Variants in STX5 observed in about 807,000 individuals in gnomAD.
The protein encoded by STX5 is syntaxin-5.
In STX5, 15 loss-of-function variants were observed where a neutral mutation model predicts 42.9. That is an observed-to-expected ratio of 0.35 (90% CI 0.23 to 0.54). The LOEUF is 0.54. STX5 is among the 20% of genes least tolerant of loss of function. The pLI is 0.91. For synonymous variants in STX5, 184 were observed against 173.2 expected, an observed-to-expected ratio of 1.06 and a Z score of -0.49; for missense variants, 430 against 455.0, an observed-to-expected ratio of 0.95 and a Z score of 0.50.
chr11:62,815,576 G>A (rs953103088), intron 10 of STX5, among the ~76,000 whole-genome samples: 35 of 149,090 alleles, frequency 2.3e-4, no homozygotes, highest in African/African-American at 6.4e-4. Context: ...TCGCTCTGTC[G>A]CCCAGGCTGG....
intron 10 of STX5, among the ~76,000 whole-genome samples, chr11:62,816,909 A>C (rs2084680234): frequency 6.6e-6 from 1 of 151,752 alleles, no homozygotes; most frequent in African/African-American, 2.4e-5. Flanking sequence ...AAAGAAAGAA[A>C]GAGCTGTCTA....
chr11:62,829,212 G>A (rs1348961949), intron 2 of STX5, among the ~76,000 whole-genome samples: 1 of 151,902 alleles, frequency 6.6e-6, no homozygotes, highest in Non-Finnish European at 1.5e-5. Context: ...AGCACCTGAG[G>A]TCGGGAGTTT....
In STX5 at chr11:62,824,228, C is replaced by A; in HGVS notation, c.846G>T (p.Glu282Asp). 2 of 1,614,224 alleles carry A rather than the reference C, an allele frequency of 1.2e-6. No homozygotes were observed. Among genetic ancestry groups the A allele is most frequent in the Non-Finnish European group, 1.7e-6 (2 of 1,180,048 alleles). ...CCAACTGCTGAAAGATGGAGCCCAA[C>A]TCAACAATTGTCGACTCAATGTTCT... Reference protein sequence around the residue: ...TMQNIESTIVELGSIFQQLAH... With the variant: ...TMQNIESTIVDLGSIFQQLAH... The change falls in exon 10 of 11, where the codon GAG becomes GAT. Residue 282 changes from glutamate (E) to aspartate (D), a missense_variant. Transcript: ENST00000294179.
At chr11:62,818,565 GAAA>G (rs1307603732) in intron 10 of STX5, among the ~76,000 whole-genome samples, 1 of 92,752 alleles carries the variant, frequency 1.1e-5, no homozygotes, top group African/African-American at 4.2e-5. Flanking sequence ...CTCTGTCTCA[GAAA>G]AAAAAAAAAA....
At chr11:62,830,868 T>G (rs1426919407) in intron 2 of STX5, 151 bp downstream of exon 2, 2 of 774,468 alleles carry the variant, frequency 2.6e-6, no homozygotes, top group Non-Finnish European at 2.2e-6. Flanking sequence ...ACCTCTTCTC[T>G]GTTGCTTATA....
At chr11:62,811,296 T>C (rs532608910) in intron 10 of STX5, among the ~76,000 whole-genome samples, 1 of 152,338 alleles carries the variant, frequency 6.6e-6, no homozygotes, top group East Asian at 1.9e-4. Context: ...AACTCTGTCA[T>C]TTAGCTGTCC....
Position 62,827,606 on chromosome 11 carries a change from G to C in STX5, c.251C>G (p.Ala84Gly), listed in dbSNP as rs750248154. 6.2e-7 allele frequency: 1 copy of C among 1,614,216 alleles called. No homozygotes were observed. The highest frequency in any genetic ancestry group is 8.5e-7 in the Non-Finnish European group (1 of 1,180,046). Residue 84 changes from alanine (A) to glycine (G), a missense_variant, in exon 3 of 11, where the codon GCT (alanine) becomes GGT (glycine). Transcript: ENST00000294179. ...ACTGCGTTGTCGGACAGCACGCAAA[G>C]CTGGCTTATTTGTCTGGATTCCATT... ...RQNGIQTNKP[A>G]LRAVRQRSEF...
intron 10 of STX5, among the ~76,000 whole-genome samples, chr11:62,818,698 A>G (rs1185618336): frequency 6.6e-6 from 1 of 151,432 alleles, no homozygotes; most frequent in Admixed American, 6.6e-5. Flanking sequence ...CCAAAAAAAA[A>G]AAAAAAGAAA....
intron 10 of STX5, among the ~76,000 whole-genome samples, chr11:62,809,491 G>A (rs189049015): frequency 6.7e-5 from 10 of 150,026 alleles, no homozygotes; most frequent in South Asian, 2.1e-4. Context: ...TGGCTAACAC[G>A]GTGAAACCCC....
rs554183113 is a variant in STX5 at position 62,814,628 on chromosome 11, A to G, written c.909-7000T>C. The stretch of plus-strand genomic sequence containing the variant: ...AGGCAGGTGCCACCACGCTCAGCTA[A>G]TTTTTTTTTTTTTTTTGAGATGGAG... On this transcript the variant is annotated intron_variant, in intron 10 of 10. Coordinates refer to ENST00000294179, the MANE Select transcript of STX5 (RefSeq NM_003164.5). 6.0e-4 allele frequency among the ~76,000 whole-genome samples: 82 copies of G among 136,572 alleles called. 1 individual carries two copies. In the South Asian group the frequency reaches 0.019, roughly 32 times the overall value. The allele number at this position is 136,572 out of a possible 152,430, so 89.6% of individuals were successfully genotyped here. A position where few individuals can be genotyped will look rare whatever the true frequency, so the allele number is the denominator to read the frequency against.
chr11:62,826,395 T>C (rs534965353), intron 5 of STX5, among the ~76,000 whole-genome samples: 32 of 142,654 alleles, frequency 2.2e-4, no homozygotes, highest in African/African-American at 8.5e-4. Flanking sequence ...CTGTCTCTAC[T>C]AAAAATACAA....
rs763187598 is a variant in STX5, at chr11:62,825,055, G to A, written c.660C>T (p.Pro220=). The A allele has an allele frequency of 3.7e-6, 6 of 1,613,830 alleles. No individual in the cohort carries two copies. In the African/African-American group the frequency reaches 8.0e-5, roughly 22 times the overall value. The change falls in exon 8 of 11, where the codon CCC becomes CCT. Residue 220 remains proline, a synonymous_variant. Coordinates refer to ENST00000294179, the MANE Select transcript of STX5 (RefSeq NM_003164.5). The part of the protein sequence containing the change: ...QFSRAPVSAL[P]LAPNHLGGGA... ...ACTTACCCAGGTGGTTAGGGGCAAG[G>A]GGCAGGGCTGACACAGGTGCCCGGG... is the stretch of plus-strand genomic sequence containing the variant.
intron 5 of STX5, among the ~76,000 whole-genome samples, chr11:62,826,418 G>A (rs576512544): frequency 1.2e-3 from 188 of 151,236 alleles, no homozygotes; most frequent in Admixed American, 2.4e-3. Flanking sequence ...TTAGCCGGGC[G>A]CGGTGGCACG....
chr11:62,820,595 C>T (rs373626603), intron 10 of STX5, among the ~76,000 whole-genome samples: 74 of 151,026 alleles, frequency 4.9e-4, no homozygotes, highest in Middle Eastern at 3.4e-3. Flanking sequence ...CAGCTCACTG[C>T]TCCGCCTCCT....
At chr11:62,831,889 C>G in intron 1 of STX5, 65 bp downstream of exon 1, 1 of 457,006 alleles carries the variant, frequency 2.2e-6, no homozygotes, top group East Asian at 7.0e-5. Context: ...CCAGTCGTCG[C>G]CCCCGTAAAA....
intron 10 of STX5, among the ~76,000 whole-genome samples, chr11:62,814,630 T>C (rs1300872350): frequency 6.8e-6 from 1 of 147,040 alleles, no homozygotes; most frequent in Non-Finnish European, 1.5e-5. Flanking sequence ...CTCAGCTAAT[T>C]TTTTTTTTTT....
intron 8 of STX5, 92 bp from the exon 9 acceptor site, chr11:62,824,657 T>C: frequency 8.2e-7 from 1 of 1,226,710 alleles, no homozygotes; most frequent in Non-Finnish European, 1.2e-6. Flanking sequence ...CTCTAGCACT[T>C]ACTAGCCTTG....
intron 3 of STX5, 70 bp from the exon 4 acceptor site, chr11:62,827,468 C>A: frequency 6.2e-7 from 1 of 1,613,186 alleles, no homozygotes; most frequent in Non-Finnish European, 8.5e-7. Flanking sequence ...TCCAGCATAA[C>A]CAATCCCAGA....
At chr11:62,828,023 T>C (rs1283727884) in intron 2 of STX5, among the ~76,000 whole-genome samples, 2 of 150,394 alleles carry the variant, frequency 1.3e-5, no homozygotes, top group African/African-American at 2.5e-5. Flanking sequence ...TGCCATTCTA[T>C]TCCTCAAATC....
Sources: allele counts gnomAD v4.1 joint callset (sites outside exome capture counted in the v4.1 genomes callset), GRCh38; gene constraint gnomAD v4.1.1; transcripts MANE v1.5; gene names NCBI Gene and HGNC (gene_info 2026-07-23, HGNC 2026-07-21).